DEPDC7: variants seen among roughly 807,000 people sequenced by gnomAD.
DEPDC7 encodes the protein DEP domain containing 7, also known as DEP domain-containing protein 7.
A neutral mutation model predicts 56.6 loss-of-function variants in DEPDC7; 41 were observed. The observed-to-expected ratio is 0.72, with a 90% CI of 0.56 to 0.94. The LOEUF (loss-of-function observed/expected upper bound fraction) is 0.94, where lower values mean the gene tolerates loss of function less well. Among genes scored for constraint, DEPDC7 ranks in the 40% least tolerant of loss-of-function variants. The probability of loss-of-function intolerance (pLI) is 0.00; values close to 1 mark genes in which losing one functional copy is unlikely to be tolerated. For synonymous variants in DEPDC7, 185 were observed against 208.8 expected (o/e 0.89, Z 0.98); for missense variants, 522 against 596.3 (o/e 0.88, Z 1.30).
chr11:33,026,799 T>TTCCTTTTTC (rs1853583663), intron 2 of DEPDC7: 1 of 151,340 alleles, frequency 6.6e-6, no homozygotes, highest in African/African-American at 2.4e-5. Flanking sequence ...TTTTCTTTTT[T>TTCCTTTTTC]TTCCTGTGGA....
chr11:33,032,531 G>A, intron 6 of DEPDC7, 53 bp downstream of exon 6: 4 of 1,433,882 alleles, frequency 2.8e-6, no homozygotes, highest in Non-Finnish European at 3.8e-6. Context: ...ATACTTACAG[G>A]TTAAGTATTA....
chr11:33,016,687 C>T (rs752909506), intron 1 of DEPDC7: 72 of 1,157,644 alleles, frequency 6.2e-5, no homozygotes, highest in Non-Finnish European at 8.5e-5. Context: ...GCAAATTCTG[C>T]CACGGGCCTA....
Position 33,032,754 on chromosome 11 carries a change from G to T in DEPDC7, c.1224G>T (p.Leu408=). 1.2e-6 allele frequency: 2 copies of T among 1,605,720 alleles called. No homozygotes were observed. The highest frequency in any genetic ancestry group is 1.1e-5 in the South Asian group (1 of 88,824). The part of the protein sequence containing the change: ...KNLSKGKTDL[L]VLFLMDHQKD... ...TATCCAAAGGCAAAACAGATCTTCT[G>T]GTACTCTTTTTAATGGATCATCAGA... Residue 408 remains leucine (L), a synonymous_variant, in exon 7 of 9, where the codon CTG becomes CTT. Transcript: ENST00000241051.
At chr11:33,019,549 C>T (rs1853501823) in intron 1 of DEPDC7, among the ~76,000 whole-genome samples, 1 of 152,024 alleles carries the variant, frequency 6.6e-6, no homozygotes, top group African/African-American at 2.4e-5. Flanking sequence ...ACCTGTAATC[C>T]CAGCTACTCA....
chr11:33,025,997 C>T lies in DEPDC7; in HGVS notation c.412C>T (p.Pro138Ser). 6.2e-7 allele frequency: 1 copy of T among 1,614,064 alleles called. No individual in the cohort carries two copies. The highest frequency in any genetic ancestry group is 8.5e-7 in the Non-Finnish European group (1 of 1,180,010). Residue 138 changes from proline (P) to serine (S), a missense_variant, in exon 2 of 9, where the codon CCT becomes TCT. Physicochemically the swap from Pro to Ser is moderately conservative, Grantham distance 74. Coordinates refer to ENST00000241051, the MANE Select transcript of DEPDC7 (RefSeq NM_001077242.2). ...SCSLYRFTTI[P>S]NQDSQLGKEN... is the part of the protein sequence containing the mutation. ...CAGCCTTTATAGATTCACCACAATA[C>T]CTAACCAAGACAGTCAGTTAGGCAA...
At chr11:33,027,286 T>G (rs1037601831) in intron 2 of DEPDC7, among the ~76,000 whole-genome samples, 3 of 152,206 alleles carry the variant, frequency 2.0e-5, no homozygotes, top group African/African-American at 7.2e-5. Flanking sequence ...ACCTTTGATT[T>G]TCAAAGCTTT....
At chr11:33,016,688 C>A in intron 1 of DEPDC7, 1 of 1,156,970 alleles carries the variant, frequency 8.6e-7, no homozygotes, top group Non-Finnish European at 1.3e-6. Flanking sequence ...CAAATTCTGC[C>A]ACGGGCCTAA....
intron 4 of DEPDC7, among the ~76,000 whole-genome samples, chr11:33,029,988 GTCTC>G (rs1179430680): frequency 2.0e-5 from 3 of 151,776 alleles, no homozygotes; most frequent in African/African-American, 7.3e-5. Flanking sequence ...TTGAGACAGA[GTCTC>G]TCTGTCGCCC....
At chr11:33,023,673 C>T (rs1370929818) in intron 1 of DEPDC7, among the ~76,000 whole-genome samples, 1 of 152,162 alleles carries the variant, frequency 6.6e-6, no homozygotes, top group African/African-American at 2.4e-5. Flanking sequence ...ACTGGGATTG[C>T]AGGTGCCTGC....
At chr11:33,031,017 G>A (rs1853627742) in intron 4 of DEPDC7, among the ~76,000 whole-genome samples, 1 of 152,352 alleles carries the variant, frequency 6.6e-6, no homozygotes, top group Middle Eastern at 3.4e-3. Flanking sequence ...TCAGATCTGA[G>A]ATCTAGTCCT....
Position 33,015,925 on chromosome 11 carries a change from T to C in DEPDC7, c.-31T>C, listed in dbSNP as rs1483575287. 2 of 1,555,534 alleles carry C rather than the reference T, an allele frequency of 1.3e-6. No individual in the cohort carries two copies. Among genetic ancestry groups the C allele is most frequent in the Admixed American group, 1.9e-5 (1 of 52,186 alleles). The stretch of plus-strand genomic sequence containing the variant: ...GGGAGCTAGGGAGCTGTGAAGCTGC[T>C]GGAGGAGTTGGCGTCCGGGGAGCAA... On this transcript the variant is annotated 5_prime_UTR_variant, in exon 1 of 9. Transcript: ENST00000241051.
intron 4 of DEPDC7, among the ~76,000 whole-genome samples, chr11:33,030,025 T>A (rs1853616055): frequency 6.6e-6 from 1 of 152,158 alleles, no homozygotes; most frequent in Admixed American, 6.5e-5. Context: ...AGTGGCATGA[T>A]CTCAGCTCCC....
intron 1 of DEPDC7, chr11:33,016,451 AG>A: frequency 1.3e-6 from 2 of 1,590,850 alleles, no homozygotes; most frequent in South Asian, 2.3e-5. Context: ...CAGTATGGCC[AG>A]GGGCCGAGCT....
intron 1 of DEPDC7, among the ~76,000 whole-genome samples, chr11:33,021,545 T>G (rs1445040490): frequency 6.6e-6 from 1 of 152,238 alleles, no homozygotes; most frequent in African/African-American, 2.4e-5. Context: ...TATGTTCAGC[T>G]GGTGAAGTCA....
In DEPDC7 at chr11:33,033,517, A is replaced by C; in HGVS notation, c.*62A>C. 1 of 1,218,632 alleles carries C rather than the reference A, an allele frequency of 8.2e-7. No homozygotes were observed. The highest frequency in any genetic ancestry group is 1.1e-6 in the Non-Finnish European group (1 of 890,150). 75.5% of individuals were successfully genotyped at this position (1,218,632 alleles called of 1,614,324 possible). ...AATAAATTATGTATCCTAAATATCC[A>C]ATCACATTTGTAAGCGTGGAAGCTC... is the stretch of plus-strand genomic sequence containing the variant. On this transcript the variant is annotated 3_prime_UTR_variant, in exon 9 of 9. Coordinates refer to ENST00000241051, the MANE Select transcript of DEPDC7 (RefSeq NM_001077242.2).
chr11:33,028,423 C>G lies in DEPDC7; in HGVS notation c.593-180C>G, dbSNP rs552344071. 86 of 513,072 alleles carry G rather than the reference C, an allele frequency of 1.7e-4. No homozygotes were observed. In the South Asian group the frequency reaches 3.2e-3, roughly 19 times the overall value. 31.8% of individuals were successfully genotyped at this position (513,072 alleles called of 1,614,324 possible). On this transcript the variant is annotated intron_variant, in intron 3 of 8. Transcript: ENST00000241051. ...TTCCTGTTGTCCAAAGCCTATTCTC[C>G]TACACTCTAAACAAATCTTGGATTG...
intron 4 of DEPDC7, among the ~76,000 whole-genome samples, chr11:33,030,148 T>C (rs1457708073): frequency 2.0e-5 from 3 of 152,126 alleles, no homozygotes; most frequent in South Asian, 2.1e-4. Context: ...TTAGTAGAGA[T>C]GGGGTTTCAC....
At position 33,028,798 on chromosome 11, in the gene DEPDC7, T is replaced by C; in HGVS notation, c.782+6T>C. The C allele has an allele frequency of 5.7e-6, 9 of 1,582,724 alleles. No homozygotes were observed. The highest frequency in any genetic ancestry group is 7.7e-6 in the Non-Finnish European group (9 of 1,166,198). ...AAGGCTTATAGTGACTCTCAGTATG[T>C]GGAAATACATATAATAATTTGAGTG... On this transcript the variant is annotated splice_donor_region_variant and intron_variant, in intron 4 of 8. Coordinates refer to ENST00000241051, the MANE Select transcript of DEPDC7 (RefSeq NM_001077242.2).
intron 4 of DEPDC7, 46 bp downstream of exon 4, chr11:33,028,838 T>G: frequency 7.0e-7 from 1 of 1,434,826 alleles, no homozygotes; most frequent in Non-Finnish European, 9.4e-7. Flanking sequence ...TGTAGGTAGA[T>G]TGAGATAATG....
Sources: allele counts gnomAD v4.1 joint callset (sites outside exome capture counted in the v4.1 genomes callset), GRCh38; gene constraint gnomAD v4.1.1; transcripts MANE v1.5; gene names NCBI Gene and HGNC (gene_info 2026-07-23, HGNC 2026-07-21).